ARID1B: variants seen among roughly 807,000 people sequenced by gnomAD.
ARID1B encodes the protein AT-rich interaction domain 1B, also known as AT-rich interactive domain-containing protein 1B.
ARID1B carries 30 observed loss-of-function variants against 212.3 expected under a neutral mutation model. The ratio of observed to expected loss-of-function variants is 0.14; its 90% CI spans 0.11 to 0.19. ARID1B has a LOEUF of 0.19. Ranked by LOEUF, ARID1B falls within the 10% of genes least tolerant of loss-of-function variation. The pLI, the probability that ARID1B is intolerant of heterozygous loss-of-function variation, is 1.00. For missense variants in ARID1B, 2,891 were observed against 3,204.0 expected (o/e 0.90, Z 2.36); for synonymous variants, 1,402 against 1,301.7 (o/e 1.08, Z -1.66).
At chr6:156,881,905 GAT>G (rs1787130390) in intron 2 of ARID1B, among the ~76,000 whole-genome samples, 2 of 152,156 alleles carry the variant, frequency 1.3e-5, no homozygotes, top group African/African-American at 4.8e-5. Flanking sequence ...ATGCACAGTT[GAT>G]ATTTGAGAAC....
At chr6:157,021,812 C>A (rs942132809) in intron 4 of ARID1B, among the ~76,000 whole-genome samples, 1 of 152,052 alleles carries the variant, frequency 6.6e-6, no homozygotes, top group Non-Finnish European at 1.5e-5. Flanking sequence ...GACACAGCTT[C>A]GCGTACACAT....
chr6:156,911,940 A>G (rs576764510), intron 3 of ARID1B, among the ~76,000 whole-genome samples: 6 of 152,240 alleles, frequency 3.9e-5, no homozygotes, highest in Non-Finnish European at 5.9e-5. Context: ...GAGTTGTTAG[A>G]AAAGGTAAGT....
At chr6:157,088,638 G>C (rs1025898090) in intron 5 of ARID1B, among the ~76,000 whole-genome samples, 2 of 152,104 alleles carry the variant, frequency 1.3e-5, no homozygotes, top group African/African-American at 4.8e-5. Flanking sequence ...CCACATTTTG[G>C]AGATGATCAT....
At chr6:156,998,432 C>T (rs1282003887) in intron 4 of ARID1B, among the ~76,000 whole-genome samples, 1 of 152,116 alleles carries the variant, frequency 6.6e-6, no homozygotes, top group Non-Finnish European at 1.5e-5. Context: ...ACCGTGTTAG[C>T]CAGGATGGTC....
intron 4 of ARID1B, among the ~76,000 whole-genome samples, chr6:157,005,061 C>T (rs1779162249): frequency 6.6e-6 from 1 of 151,578 alleles, no homozygotes; most frequent in Non-Finnish European, 1.5e-5. Flanking sequence ...TACAGGTGTG[C>T]ACCACCACGC....
intron 4 of ARID1B, among the ~76,000 whole-genome samples, chr6:156,965,056 T>A (rs1284501150): frequency 6.6e-6 from 1 of 152,262 alleles, no homozygotes; most frequent in Non-Finnish European, 1.5e-5. Flanking sequence ...TCATTGAATA[T>A]ACAGCTACAT....
intron 10 of ARID1B, chr6:157,174,449 T>C: frequency 4.6e-6 from 1 of 217,444 alleles, no homozygotes; most frequent in East Asian, 9.9e-5. Flanking sequence ...CTTCAGTTTA[T>C]AGCTTCCTGT....
At chr6:157,129,275 G>A (rs759932823) in intron 6 of ARID1B, among the ~76,000 whole-genome samples, 10 of 152,184 alleles carry the variant, frequency 6.6e-5, no homozygotes, top group Admixed American at 1.3e-4. Context: ...AATACCCACT[G>A]CAGTCCATTT....
chr6:156,804,356 A>G (rs1380712263), intron 1 of ARID1B, among the ~76,000 whole-genome samples: 1 of 152,048 alleles, frequency 6.6e-6, no homozygotes, highest in Non-Finnish European at 1.5e-5. Flanking sequence ...CAAAAAAAAA[A>G]ACACCCCTCA....
chr6:156,991,088 A>C (rs1315270040), intron 4 of ARID1B, among the ~76,000 whole-genome samples: 1 of 152,116 alleles, frequency 6.6e-6, no homozygotes, highest in East Asian at 1.9e-4. Context: ...GGCTCTGAGG[A>C]GCAGTAACTT....
chr6:156,874,982 C>T (rs1294674612), intron 2 of ARID1B, among the ~76,000 whole-genome samples: 4 of 152,168 alleles, frequency 2.6e-5, no homozygotes, highest in Non-Finnish European at 5.9e-5. Context: ...GAATAGCCCA[C>T]CCATAGTAAC....
rs1056029308 is a variant in ARID1B, at chr6:157,102,207, A to G, written c.2492-8265A>G. Among the ~76,000 whole-genome samples, 7 of 152,196 alleles carry G rather than the reference A, an allele frequency of 4.6e-5. No homozygotes were observed. The East Asian group carries it at 1.4e-3, about 29-fold the overall frequency. ...AATAAAGGATTAATGTGGGAATCCTATTCACCTCATGTTTATTCTCTACCA... is the reference window on the plus strand; with the variant it reads ...AATAAAGGATTAATGTGGGAATCCTGTTCACCTCATGTTTATTCTCTACCA... On this transcript the variant is annotated intron_variant, in intron 5 of 19. Transcript: ENST00000636930.
intron 1 of ARID1B, among the ~76,000 whole-genome samples, chr6:156,792,732 T>C (rs1390441642): frequency 1.3e-5 from 2 of 152,200 alleles, no homozygotes; most frequent in African/African-American, 2.4e-5. Context: ...CTTTCAAAGC[T>C]GAGCTTTTCC....
At chr6:156,941,243 T>C (rs753794347) in intron 4 of ARID1B, 2 of 152,194 alleles carry the variant, frequency 1.3e-5, no homozygotes, top group Non-Finnish European at 2.9e-5. Flanking sequence ...CTTTATAAAA[T>C]GGAAGCCTCC....
chr6:157,066,107 GA>G (rs1783661907), intron 4 of ARID1B, among the ~76,000 whole-genome samples: 1 of 152,160 alleles, frequency 6.6e-6, no homozygotes, highest in African/African-American at 2.4e-5. Flanking sequence ...TCTCCCCACA[GA>G]AAACAATCTT....
intron 13 of ARID1B, chr6:157,186,250 C>G (rs1475877233): frequency 5.8e-6 from 2 of 341,926 alleles, no homozygotes; most frequent in African/African-American, 4.3e-5. Flanking sequence ...GCCAGCCGTT[C>G]CCTTTTCCCC....
chr6:156,882,973 G>C (rs1169919913), intron 2 of ARID1B, among the ~76,000 whole-genome samples: 2 of 152,184 alleles, frequency 1.3e-5, no homozygotes, highest in African/African-American at 2.4e-5. Context: ...AATCTTACAC[G>C]GGGAACCCGA....
At chr6:157,142,759 C>A (rs1789466970) in intron 7 of ARID1B, among the ~76,000 whole-genome samples, 1 of 152,190 alleles carries the variant, frequency 6.6e-6, no homozygotes. Flanking sequence ...CTGCCTTTAT[C>A]ATAGTATGTA....
chr6:156,805,643 A>G (rs537550379), intron 1 of ARID1B, among the ~76,000 whole-genome samples: 1 of 152,142 alleles, frequency 6.6e-6, no homozygotes, highest in African/African-American at 2.4e-5. Context: ...CCATACACGG[A>G]AGAAAAAATA....
Sources: gnomAD v4.1 joint callset for allele counts (sites outside exome capture counted in the v4.1 genomes callset) on GRCh38, gnomAD v4.1.1 for gene constraint, MANE v1.5 for transcripts, NCBI Gene and HGNC (gene_info 2026-07-23, HGNC 2026-07-21) for gene names.